GLDC: variants seen among roughly 807,000 people sequenced by gnomAD.
GLDC encodes glycine decarboxylase.
In GLDC, 104 loss-of-function variants were observed where a neutral mutation model predicts 121.3. That is an observed-to-expected ratio of 0.86 (90% confidence interval 0.73 to 1.01). The LOEUF (loss-of-function observed/expected upper bound fraction) is 1.01, where lower values mean the gene tolerates loss of function less well. Among genes scored for constraint, GLDC ranks in the 50% least tolerant of loss-of-function variants. The probability of loss-of-function intolerance (pLI) is 0.00; values close to 1 mark genes in which losing one functional copy is unlikely to be tolerated. For synonymous variants in GLDC, 546 were observed against 480.6 expected (o/e 1.14, Z -1.78); for missense variants, 1,429 against 1,306.6 (o/e 1.09, Z -1.44).
At chr9:6,536,318 A>G (rs1817130089) in intron 22 of GLDC, 82 bp from the exon 23 acceptor site, 16 of 1,142,242 alleles carry the variant, frequency 1.4e-5, no homozygotes, top group Non-Finnish European at 1.9e-5. Context: ...ATCCCTTCTT[A>G]TATTTTATCC....
Position 6,550,888 on chromosome 9 carries a change from T to A in GLDC, c.2484A>T (p.Gln828His). ...IKMMGGKGLK[Q>H]ATETAILNAN... Reference sequence around the variant, plus strand: ...CATTTAATATCGCAGTTTCCGTGGCTTGTTTAAGACCCTTGCCTCCCATCA... The same window carrying A: ...CATTTAATATCGCAGTTTCCGTGGCATGTTTAAGACCCTTGCCTCCCATCA... Residue 828 changes from glutamine (Q) to histidine (H), a missense_variant, in exon 21 of 25, where the codon CAA (glutamine) becomes CAT (histidine). Physicochemically the swap from Gln to His is conservative, Grantham distance 24 (BLOSUM62 0). Coordinates refer to ENST00000321612, the MANE Select transcript of GLDC (RefSeq NM_000170.3). 2 of 1,612,828 alleles carry A rather than the reference T, an allele frequency of 1.2e-6. No homozygotes were observed. Among genetic ancestry groups the A allele is most frequent in the Non-Finnish European group, 1.7e-6 (2 of 1,178,844 alleles).
intron 9 of GLDC, among the ~76,000 whole-genome samples, chr9:6,594,655 A>G (rs1261300895): frequency 2.0e-5 from 3 of 152,176 alleles, no homozygotes; most frequent in Non-Finnish European, 4.4e-5. Flanking sequence ...AGATCGTGCC[A>G]CTGCACTCCA....
chr9:6,631,280 G>C (rs1819372145), intron 2 of GLDC, among the ~76,000 whole-genome samples: 1 of 152,148 alleles, frequency 6.6e-6, no homozygotes, highest in African/African-American at 2.4e-5. Context: ...GCTGAGGCGT[G>C]TCCCATCTAT....
rs1207032759 is a variant in GLDC at position 6,606,193 on chromosome 9, C to G, written c.713+399G>C. The stretch of plus-strand genomic sequence containing the variant: ...GCGTGGTGGCGGGCACCTGTAGTCC[C>G]AGCAACTCGGGAGGCTGAGGCAGGA... On this transcript the variant is annotated intron_variant, in intron 5 of 24. Coordinates refer to ENST00000321612, the MANE Select transcript of GLDC (RefSeq NM_000170.3). 1.7e-5 allele frequency: 4 copies of G among 236,630 alleles called. No individual in the cohort carries two copies. In the South Asian group the frequency reaches 2.2e-4, roughly 13 times the overall value. 14.7% of individuals were successfully genotyped at this position (236,630 alleles called of 1,614,324 possible). A position where few individuals can be genotyped will look rare whatever the true frequency, so the allele number is the denominator to read the frequency against.
chr9:6,599,593 C>T (rs1049638545), intron 8 of GLDC, among the ~76,000 whole-genome samples: 2 of 150,130 alleles, frequency 1.3e-5, no homozygotes, highest in Admixed American at 6.6e-5. Context: ...TGGTGGCAGG[C>T]GCCTGTAATC....
At chr9:6,597,007 T>C (rs1314915735) in intron 8 of GLDC, among the ~76,000 whole-genome samples, 1 of 152,206 alleles carries the variant, frequency 6.6e-6, no homozygotes, top group African/African-American at 2.4e-5. Flanking sequence ...AAACAAAATG[T>C]AGCATGTCCA....
intron 7 of GLDC, among the ~76,000 whole-genome samples, chr9:6,603,193 A>C (rs1015355038): frequency 2.6e-4 from 39 of 151,760 alleles, no homozygotes; most frequent in African/African-American, 9.5e-4. Context: ...GTACCACTGC[A>C]CTCCAGCCTG....
rs55912395 is a variant in GLDC, at chr9:6,636,775, A to T, written c.334+7839T>A. Among the ~76,000 whole-genome samples, 209 of 151,972 alleles carry T rather than the reference A, an allele frequency of 1.4e-3. 1 individual carries two copies. The highest frequency in any genetic ancestry group is 4.7e-3 in the African/African-American group (196 of 41,438). ...GGGCAACAGAGTGAGACCCCATCTC[A>T]AAAATAAAATTAAAAAACCCAAAAT... is the stretch of plus-strand genomic sequence containing the variant. On this transcript the variant is annotated intron_variant, in intron 2 of 24. Transcript: ENST00000321612.
intron 22 of GLDC, 78 bp downstream of exon 22, chr9:6,539,973 C>T (rs1817220809): frequency 2.2e-6 from 2 of 902,118 alleles, no homozygotes; most frequent in Admixed American, 3.4e-5. Context: ...TACTGTGGTG[C>T]CTGCATTTTC....
chr9:6,629,586 G>C (rs796331787), intron 2 of GLDC, among the ~76,000 whole-genome samples: 3 of 146,370 alleles, frequency 2.0e-5, no homozygotes, highest in African/African-American at 7.8e-5. Flanking sequence ...CAATCTGTAT[G>C]AGTCAAGATA....
chr9:6,537,076 G>T (rs995435496), intron 22 of GLDC, among the ~76,000 whole-genome samples: 1 of 149,690 alleles, frequency 6.7e-6, no homozygotes. Context: ...TATCGCTCAG[G>T]TTAGAGTGCA....
At chr9:6,599,145 T>C (rs1818549067) in intron 8 of GLDC, among the ~76,000 whole-genome samples, 1 of 150,012 alleles carries the variant, frequency 6.7e-6, no homozygotes, top group Non-Finnish European at 1.5e-5. Flanking sequence ...CATCACGCCA[T>C]TGCACTCCAG....
intron 13 of GLDC, 79 bp downstream of exon 13, chr9:6,588,539 C>G (rs1818314402): frequency 2.1e-6 from 3 of 1,455,120 alleles, no homozygotes; most frequent in Non-Finnish European, 1.9e-6. Context: ...CTTTGTTGCT[C>G]TTGGAGCATA....
chr9:6,607,894 G>A (rs1818768219), intron 4 of GLDC, among the ~76,000 whole-genome samples: 1 of 151,882 alleles, frequency 6.6e-6, no homozygotes, highest in African/African-American at 2.4e-5. Context: ...AGGCTGAGGT[G>A]GGTGGATTGC....
chr9:6,632,091 G>C (rs1254791040), intron 2 of GLDC, among the ~76,000 whole-genome samples: 2 of 152,082 alleles, frequency 1.3e-5, no homozygotes, highest in Admixed American at 1.3e-4. Flanking sequence ...GGAGAAATTT[G>C]CAGTCCAACC....
chr9:6,569,631 A>G (rs1447445961), intron 15 of GLDC, among the ~76,000 whole-genome samples: 1 of 150,144 alleles, frequency 6.7e-6, no homozygotes, highest in Non-Finnish European at 1.5e-5. Flanking sequence ...TAGCCTGGGC[A>G]ACAGAGTGAG....
At chr9:6,628,597 C>T (rs1469423639) in intron 2 of GLDC, among the ~76,000 whole-genome samples, 1 of 152,148 alleles carries the variant, frequency 6.6e-6, no homozygotes, top group Non-Finnish European at 1.5e-5. Flanking sequence ...TCGAGCCTGA[C>T]CAACATAGTG....
intron 8 of GLDC, among the ~76,000 whole-genome samples, chr9:6,597,127 C>CA (rs1298034125): frequency 6.6e-6 from 1 of 152,162 alleles, no homozygotes; most frequent in African/African-American, 2.4e-5. Context: ...AAAGGCCACA[C>CA]ATTGTATGAT....
chr9:6,585,949 C>T (rs920442848), intron 15 of GLDC, among the ~76,000 whole-genome samples: 1 of 151,890 alleles, frequency 6.6e-6, no homozygotes, highest in Non-Finnish European at 1.5e-5. Flanking sequence ...GACCACAAAT[C>T]CAGGGGATTC....
Sources: gnomAD v4.1 joint callset for allele counts (sites outside exome capture counted in the v4.1 genomes callset) on GRCh38, gnomAD v4.1.1 for gene constraint, MANE v1.5 for transcripts, NCBI Gene and HGNC (gene_info 2026-07-23, HGNC 2026-07-21) for gene names.